The following PKM variants were observed in gnomAD, a reference collection of about 807,000 sequenced individuals.
The protein encoded by PKM is pyruvate kinase PKM.
PKM carries 18 observed loss-of-function variants against 49.8 expected under a neutral mutation model. The observed-to-expected ratio is 0.36, with a 90% confidence interval of 0.25 to 0.54. The LOEUF is 0.54. Among genes scored for constraint, PKM ranks in the 20% least tolerant of loss-of-function variants. The pLI is 0.89. For synonymous variants in PKM, 239 were observed against 261.8 expected, an observed-to-expected ratio of 0.91 and a Z score of 0.84; for missense variants, 508 against 713.8, an observed-to-expected ratio of 0.71 and a Z score of 3.28.
At chr15:72,227,744 CAAAAAA>C (rs34876633) in intron 1 of PKM, among the ~76,000 whole-genome samples, 4 of 10,806 alleles carry the variant, frequency 3.7e-4, no homozygotes, top group African/African-American at 5.9e-4. Context: ...AAAACTATCT[CAAAAAA>C]AAAAAAAAAA....
rs1378840666 is a variant in PKM, at chr15:72,199,421, C to T, written c.*229G>A. 2.9e-6 allele frequency: 2 copies of T among 689,008 alleles called. No individual in the cohort carries two copies. The highest frequency in any genetic ancestry group is 2.0e-5 in the Admixed American group (1 of 49,456). 42.7% of individuals were successfully genotyped at this position (689,008 alleles called of 1,614,324 possible). ...CTCCAGTCCAGCATTCCTCCTTCTT[C>T]CCTTGATTGGGTGGGGCCACATGAT... is the stretch of plus-strand genomic sequence containing the variant. On this transcript the variant is annotated 3_prime_UTR_variant, in exon 11 of 11. Transcript: ENST00000335181.
chr15:72,203,163 A>G, intron 8 of PKM: 1 of 1,613,978 alleles, frequency 6.2e-7, no homozygotes, highest in Non-Finnish European at 8.5e-7. Context: ...GCGGTGGAAC[A>G]TGGCTGCCTC....
At chr15:72,229,170 C>T (rs2082771405) in intron 1 of PKM, among the ~76,000 whole-genome samples, 1 of 152,202 alleles carries the variant, frequency 6.6e-6, no homozygotes, top group Non-Finnish European at 1.5e-5. Context: ...TGGATCAAGG[C>T]CCTTATGCTC....
chr15:72,199,771 G>C lies in PKM; in HGVS notation c.1490-15C>G, dbSNP rs2081892244. 1 of 1,592,040 alleles carries C rather than the reference G, an allele frequency of 6.3e-7. No individual in the cohort carries two copies. Among genetic ancestry groups the C allele is most frequent in the Admixed American group, 1.7e-5 (1 of 59,518 alleles). Reference sequence around the variant, plus strand: ...TCGGGCCTTGCCTGGAGGAAGAGAAGGGAGGTTGGTGAGTAAAAGCCAAGC... The same window carrying C: ...TCGGGCCTTGCCTGGAGGAAGAGAACGGAGGTTGGTGAGTAAAAGCCAAGC... On this transcript the variant is annotated splice_polypyrimidine_tract_variant and intron_variant, in intron 10 of 10. Transcript: ENST00000335181.
Position 72,208,697 on chromosome 15 carries a change from C to G in PKM, c.760G>C (p.Val254Leu), listed in dbSNP as rs770830827. 1.2e-6 allele frequency: 2 copies of G among 1,614,188 alleles called. No individual in the cohort carries two copies. The highest frequency in any genetic ancestry group is 3.3e-5 in the Admixed American group (2 of 60,016). Reference protein sequence around the residue: ...FIRKASDVHEVRKVLGEKGKN... With the variant: ...FIRKASDVHELRKVLGEKGKN... The stretch of plus-strand genomic sequence containing the variant: ...CCCTTCTCTCCCAGGACCTTCCTAA[C>G]TTCATGGACATCAGATGCCTTGCGG... Residue 254 changes from valine to leucine, a missense_variant, in exon 6 of 11, where the codon GTT becomes CTT. Transcript: ENST00000335181.
Position 72,199,203 on chromosome 15 carries a change from G to C in PKM, c.*447C>G, listed in dbSNP as rs2081865769. ...GAGGCCTAGAGAGCTAGAGAAGCAA[G>C]TAAGGGCCAGGGCCAGAGTCGGCTT... is the stretch of plus-strand genomic sequence containing the variant. On this transcript the variant is annotated 3_prime_UTR_variant, in exon 11 of 11. Transcript: ENST00000335181. The C allele has an allele frequency of 2.8e-6, 1 of 357,358 alleles. No individual in the cohort carries two copies. Among genetic ancestry groups the C allele is most frequent in the Non-Finnish European group, 5.5e-6 (1 of 181,562 alleles). The allele number at this position is 357,358 out of a possible 1,614,324, so 22.1% of individuals were successfully genotyped here.
chr15:72,209,807 A>T lies in PKM; in HGVS notation c.431T>A (p.Leu144Gln), dbSNP rs771478196. The T allele has an allele frequency of 6.2e-7, 1 of 1,614,076 alleles. No homozygotes were observed. The highest frequency in any genetic ancestry group is 8.5e-7 in the Non-Finnish European group (1 of 1,180,004). ...LKKGATLKIT[L>Q]DNAYMEKCDE... ...ACACTTTTCCATGTAGGCGTTATCCAGCGTGATTTTGAGAGTGGCTCCCTT... is the reference window on the plus strand; with the variant it reads ...ACACTTTTCCATGTAGGCGTTATCCTGCGTGATTTTGAGAGTGGCTCCCTT... Residue 144 changes from leucine (L) to glutamine (Q), a missense_variant, in exon 5 of 11, where the codon CTG (leucine) becomes CAG (glutamine). Transcript: ENST00000335181.
In PKM at chr15:72,217,488, C is replaced by T. The variant is rs147939689; in HGVS notation, c.167G>A (p.Arg56Gln). 5 of 1,607,112 alleles carry T rather than the reference C, an allele frequency of 3.1e-6. No homozygotes were observed. The highest frequency in any genetic ancestry group is 2.2e-5 in the East Asian group (1 of 44,858). Residue 56 changes from arginine (R) to glutamine (Q), a missense_variant, in exon 3 of 11, where the codon CGA becomes CAA. By Grantham distance (43) the Arg-to-Gln change is conservative. Transcript: ENST00000335181. ...GIICTIGPAS[R>Q]SVETLKEMIK... is the part of the protein sequence containing the mutation. ...CATCTCCTTCAACGTCTCCACTGATCGGGAAGCTGGGCCTATTAGGAAAAG... is the reference window on the plus strand; with the variant it reads ...CATCTCCTTCAACGTCTCCACTGATTGGGAAGCTGGGCCTATTAGGAAAAG...
chr15:72,202,853 G>A lies in PKM; in HGVS notation c.1141-233C>T. On this transcript the variant is annotated intron_variant, in intron 8 of 10. Coordinates refer to ENST00000335181, the MANE Select transcript of PKM (RefSeq NM_002654.6). The surrounding 1 kb of genome is among the most constrained non-coding windows in gnomAD (Gnocchi z 4.5). ...CTGTGACATCTACTGTGCCTACTGA[G>A]CCACAGGACCCTTTGGTCCTGCCCT... The A allele has an allele frequency of 1.3e-6, 1 of 760,724 alleles. No homozygotes were observed. Among genetic ancestry groups the A allele is most frequent in the Non-Finnish European group, 2.3e-6 (1 of 443,352 alleles). 47.1% of individuals were successfully genotyped at this position (760,724 alleles called of 1,614,324 possible).
intron 3 of PKM, among the ~76,000 whole-genome samples, chr15:72,215,045 A>T (rs867369472): frequency 6.6e-6 from 1 of 151,808 alleles, no homozygotes; most frequent in South Asian, 2.1e-4. Context: ...CTAAAAATAT[A>T]AAAAAATTAG....
chr15:72,229,992 G>A (rs1196692247), intron 1 of PKM, among the ~76,000 whole-genome samples: 1 of 152,154 alleles, frequency 6.6e-6, no homozygotes, highest in East Asian at 1.9e-4. Flanking sequence ...GGGCCAGGAG[G>A]CCCCAGCAAA....
Position 72,200,207 on chromosome 15 carries a change from C to A in PKM, c.1489+267G>T, listed in dbSNP as rs1013197870. 1.3e-5 allele frequency among the ~76,000 whole-genome samples: 2 copies of A among 152,110 alleles called. No homozygotes were observed. Among genetic ancestry groups the A allele is most frequent in the Admixed American group, 1.3e-4 (2 of 15,268 alleles). On this transcript the variant is annotated intron_variant, in intron 10 of 10. Transcript: ENST00000335181. This position sits in a 1 kb window ranked among gnomAD's most constrained non-coding sequence, Gnocchi z 4.6. The stretch of plus-strand genomic sequence containing the variant: ...AAAAATGGACAATTTTGCTTTGAGC[C>A]CCAGACTAGAAGAGAAGAGGAACTG...
chr15:72,201,804 T>TGCTGCCCC (rs1431232641), intron 9 of PKM: 1 of 156,274 alleles, frequency 6.4e-6, no homozygotes, highest in Non-Finnish European at 1.4e-5. Context: ...AGGAAACCCT[T>TGCTGCCCC]GCTGCCCTGT....
chr15:72,223,402 CACTT>C (rs2082579123), intron 1 of PKM, among the ~76,000 whole-genome samples: 1 of 152,216 alleles, frequency 6.6e-6, no homozygotes, highest in South Asian at 2.1e-4. Flanking sequence ...ACCTGATGCT[CACTT>C]TCTCCCTCCA....
At position 72,206,742 on chromosome 15, in the gene PKM, G is replaced by A. The variant is rs770540884; in HGVS notation, c.1126C>T (p.Arg376Cys). Reference sequence around the variant, plus strand: ...CCAGAACTCACCAGGTGCTGCATGCGCACAGCCTCCAGAGGATAGTCCCCT... The same window carrying A: ...CCAGAACTCACCAGGTGCTGCATGCACACAGCCTCCAGAGGATAGTCCCCT... ...AKGDYPLEAV[R>C]MQHLIAREAE... Residue 376 changes from arginine to cysteine, a missense_variant, in exon 8 of 11, where the codon CGC becomes TGC. By Grantham distance (180) the Arg-to-Cys change is radical. Transcript: ENST00000335181. 17 of 1,613,018 alleles carry A rather than the reference G, an allele frequency of 1.1e-5. No individual in the cohort carries two copies. The highest frequency in any genetic ancestry group is 2.7e-5 in the African/African-American group (2 of 74,896).
intron 1 of PKM, chr15:72,221,366 C>CA: frequency 1.4e-6 from 1 of 717,770 alleles, no homozygotes; most frequent in Middle Eastern, 2.5e-4. Flanking sequence ...ACCAGGTATC[C>CA]AGGTGACAGC....
intron 1 of PKM, among the ~76,000 whole-genome samples, chr15:72,230,309 CGCCCGCCGCGCGGGGCACCCAGCCCA>C (rs1184428582): frequency 1.3e-5 from 2 of 152,148 alleles, no homozygotes; most frequent in Non-Finnish European, 2.9e-5. Flanking sequence ...CGCCGCATCC[CGCCCGCCGCGCGGGGCACCCAGCCCA>C]GCCCTCCGCC....
chr15:72,211,207 G>A (rs570092076), intron 3 of PKM, among the ~76,000 whole-genome samples: 2 of 152,024 alleles, frequency 1.3e-5, no homozygotes, highest in African/African-American at 2.4e-5. Context: ...AGCTGGGACT[G>A]CAGGCGCCCA....
intron 3 of PKM, 64 bp downstream of exon 3, chr15:72,217,345 A>G (rs1232066212): frequency 6.1e-6 from 6 of 980,568 alleles, no homozygotes; most frequent in Non-Finnish European, 9.9e-6. Context: ...CTAAACGAAC[A>G]CTGCACCCCC....
Sources: gnomAD v4.1 joint callset for allele counts (sites outside exome capture counted in the v4.1 genomes callset) on GRCh38, gnomAD v4.1.1 for gene constraint, Gnocchi (gnomAD v3.1) non-coding constraint, MANE v1.5 for transcripts, NCBI Gene and HGNC (gene_info 2026-07-23, HGNC 2026-07-21) for gene names.